Variants in CASKIN1 observed in about 807,000 individuals in gnomAD.
CASKIN1 encodes the protein CASK interacting protein 1.
In CASKIN1, 42 loss-of-function variants were observed where a neutral mutation model predicts 117.5. That is an observed-to-expected ratio of 0.36 (90% CI 0.28 to 0.46). The LOEUF (loss-of-function observed/expected upper bound fraction) is 0.46. Ranked by LOEUF, CASKIN1 falls within the 20% of genes least tolerant of loss-of-function variation. The probability of loss-of-function intolerance (pLI) is 1.00; values close to 1 mark genes in which losing one functional copy is unlikely to be tolerated. For synonymous variants in CASKIN1, 1,148 were observed against 961.7 expected (o/e 1.19, Z -3.59); for missense variants, 2,083 against 2,077.3 (o/e 1.00, Z -0.05).
chr16:2,188,360 T>A lies in CASKIN1; in HGVS notation c.617+667A>T, dbSNP rs191867891. Reference sequence around the variant, plus strand: ...CATCACCACAACCAGCCGATTTTTTTTTTTTTTTGAGACAGGGTCTTGCTG... The same window carrying A: ...CATCACCACAACCAGCCGATTTTTTATTTTTTTTGAGACAGGGTCTTGCTG... On this transcript the variant is annotated intron_variant, in intron 6 of 19. Transcript: ENST00000343516. Among the ~76,000 whole-genome samples, 182 of 150,848 alleles carry A rather than the reference T, an allele frequency of 1.2e-3. 1 individual carries two copies. The highest frequency in any genetic ancestry group is 4.3e-3 in the African/African-American group (178 of 41,074).
Position 2,186,700 on chromosome 16 carries a change from A to G in CASKIN1, c.1048+7T>C. 1 of 1,611,148 alleles carries G rather than the reference A, an allele frequency of 6.2e-7. No homozygotes were observed. The highest frequency in any genetic ancestry group is 8.5e-7 in the Non-Finnish European group (1 of 1,178,696). On this transcript the variant is annotated splice_region_variant and intron_variant, in intron 10 of 19. Coordinates refer to ENST00000343516, the MANE Select transcript of CASKIN1 (RefSeq NM_020764.4). ...CTGCCTGCCCCCCAGGGTGGGGTGG[A>G]ACTTGCCTGCTCGCTTGACAATGGC... is the stretch of plus-strand genomic sequence containing the variant.
At position 2,185,413 on chromosome 16, in the gene CASKIN1, G is replaced by A. The variant is rs768861773; in HGVS notation, c.1049-5C>T. The A allele has an allele frequency of 1.3e-5, 21 of 1,596,202 alleles. No homozygotes were observed. The South Asian group carries it at 2.3e-4, about 17-fold the overall frequency. On this transcript the variant is annotated splice_polypyrimidine_tract_variant and splice_region_variant and intron_variant, in intron 10 of 19. Coordinates refer to ENST00000343516, the MANE Select transcript of CASKIN1 (RefSeq NM_020764.4). ...GTTCAGTGCCTGCTCGGGAACCTGT[G>A]GGTCAAGCAAAGCCTCCTAAGTCCT...
At chr16:2,188,021 T>A (rs1249395744) in intron 6 of CASKIN1, among the ~76,000 whole-genome samples, 1 of 150,442 alleles carries the variant, frequency 6.6e-6, no homozygotes, top group Non-Finnish European at 1.5e-5. Context: ...GTAGCTGGGA[T>A]TACAGACATG....
intron 6 of CASKIN1, 43 bp downstream of exon 6, chr16:2,188,984 C>T: frequency 6.3e-7 from 1 of 1,581,114 alleles, no homozygotes; most frequent in Non-Finnish European, 8.6e-7. Context: ...CTGCTGAACC[C>T]TGGGGACCCT....
rs954622955 is a variant in CASKIN1 at position 2,177,576 on chromosome 16, G to A, written c.*974C>T. 3.0e-5 allele frequency: 7 copies of A among 236,170 alleles called. No individual in the cohort carries two copies. The highest frequency in any genetic ancestry group is 4.4e-5 in the African/African-American group (2 of 45,278). The allele number at this position is 236,170 out of a possible 1,614,324, so 14.6% of individuals were successfully genotyped here. A position where few individuals can be genotyped will look rare whatever the true frequency, so the allele number is the denominator to read the frequency against. On this transcript the variant is annotated 3_prime_UTR_variant, in exon 20 of 20. Coordinates refer to ENST00000343516, the MANE Select transcript of CASKIN1 (RefSeq NM_020764.4). Reference sequence around the variant, plus strand: ...ACAACACAGCCTTGGACCATGAGCAGAAGCGTCCGTGGGAACTCCACTGGG... The same window carrying A: ...ACAACACAGCCTTGGACCATGAGCAAAAGCGTCCGTGGGAACTCCACTGGG...
rs1197241425 is a variant in CASKIN1 at position 2,181,308 on chromosome 16, C to T, written c.2060G>A (p.Arg687Lys). The change falls in exon 18 of 20, where the codon AGG (arginine) becomes AAG (lysine). Residue 687 changes from arginine (R) to lysine (K), a missense_variant. Around this residue, in one of 3 missense-constraint regions of CASKIN1, gnomAD observed 1,818 missense variants for 1,688.9 expected, o/e 1.08. Coordinates refer to ENST00000343516, the MANE Select transcript of CASKIN1 (RefSeq NM_020764.4). ...GCTGGAGTCCTGCCGCGTGGTGGCC[C>T]TCGGGGTGGGTGGCAGGTGGCTGGA... ...KPSSHLPPTP[R>K]ATTRQDSSLG... The T allele has an allele frequency of 6.2e-7, 1 of 1,604,088 alleles. No individual in the cohort carries two copies. Among genetic ancestry groups the T allele is most frequent in the South Asian group, 1.1e-5 (1 of 90,674 alleles).
In CASKIN1 at chr16:2,180,708, G is replaced by A. The variant is rs752680332; in HGVS notation, c.2660C>T (p.Ala887Val). Residue 887 changes from alanine to valine, a missense_variant, in exon 18 of 20, where the codon GCG becomes GTG. Coordinates refer to ENST00000343516, the MANE Select transcript of CASKIN1 (RefSeq NM_020764.4). The part of the protein sequence containing the change: ...KKRAHSLNRY[A>V]ASDSEPERDE... ...CCGCTCCGGCTCGCTGTCGGACGCCGCATAGCGATTCAGGCTGTGGGCCCG... is the reference window on the plus strand; with the variant it reads ...CCGCTCCGGCTCGCTGTCGGACGCCACATAGCGATTCAGGCTGTGGGCCCG... 17 of 1,480,000 alleles carry A rather than the reference G, an allele frequency of 1.1e-5. No homozygotes were observed. The highest frequency in any genetic ancestry group is 2.7e-5 in the South Asian group (2 of 75,334). The allele number at this position is 1,480,000 out of a possible 1,614,324, so 91.7% of individuals were successfully genotyped here.
intron 1 of CASKIN1, among the ~76,000 whole-genome samples, chr16:2,192,328 T>C (rs2093203599): frequency 6.7e-6 from 1 of 148,420 alleles, no homozygotes. Context: ...AGAGAGAACA[T>C]GAATCAGATC....
chr16:2,180,888 G>C lies in CASKIN1; in HGVS notation c.2480C>G (p.Pro827Arg). 9 of 1,439,344 alleles carry C rather than the reference G, an allele frequency of 6.3e-6. No homozygotes were observed. The highest frequency in any genetic ancestry group is 7.3e-6 in the Non-Finnish European group (8 of 1,103,380). 89.2% of individuals were successfully genotyped at this position (1,439,344 alleles called of 1,614,324 possible). Reference protein sequence around the residue: ...PMSPRSLPQSPTHRGFAYVLP... With the variant: ...PMSPRSLPQSRTHRGFAYVLP... ...CACGTAGGCAAAGCCGCGGTGCGTCGGTGACTGAGGCAGGGAGCGGGGTGA... is the reference window on the plus strand; with the variant it reads ...CACGTAGGCAAAGCCGCGGTGCGTCCGTGACTGAGGCAGGGAGCGGGGTGA... Residue 827 changes from proline (P) to arginine (R), a missense_variant, in exon 18 of 20, where the codon CCG becomes CGG. Physicochemically the swap from Pro to Arg is moderately radical, Grantham distance 103 (BLOSUM62 -2). Around this residue, in one of 3 missense-constraint regions of CASKIN1, gnomAD observed 1,818 missense variants for 1,688.9 expected, o/e 1.08. Transcript: ENST00000343516.
At chr16:2,190,281 C>G (rs2093197845) in intron 2 of CASKIN1, 26 bp downstream of exon 2, 2 of 1,578,186 alleles carry the variant, frequency 1.3e-6, no homozygotes, top group Non-Finnish European at 1.7e-6. Flanking sequence ...CCCTTCCAGG[C>G]AGGCACCACC....
In CASKIN1 at chr16:2,181,201, G is replaced by C; in HGVS notation, c.2167C>G (p.Arg723Gly). Reference sequence around the variant, plus strand: ...TCATCCAGGAGGTACTCCTGGCTTCGAGACATGGGGCTGCTGGGCCCAGGG... The same window carrying C: ...TCATCCAGGAGGTACTCCTGGCTTCCAGACATGGGGCTGCTGGGCCCAGGG... ...GPPGPSSPMS[R>G]SQEYLLDEGP... is the part of the protein sequence containing the mutation. Residue 723 changes from arginine to glycine, a missense_variant, in exon 18 of 20, where the codon CGA becomes GGA. This residue lies in a region of CASKIN1 where 1,818 missense variants were observed against 1,688.9 expected (regional missense o/e 1.08). Transcript: ENST00000343516. 2 of 1,571,282 alleles carry C rather than the reference G, an allele frequency of 1.3e-6. No individual in the cohort carries two copies. The highest frequency in any genetic ancestry group is 1.4e-5 in the African/African-American group (1 of 73,058).
intron 1 of CASKIN1, among the ~76,000 whole-genome samples, chr16:2,195,885 C>T (rs1311231892): frequency 2.0e-5 from 3 of 146,698 alleles, no homozygotes; most frequent in African/African-American, 4.9e-5. Flanking sequence ...AAACGTGGGG[C>T]GGGAGGGGGT....
Position 2,185,150 on chromosome 16 carries a change from G to T in CASKIN1, c.1200C>A (p.Ser400Arg). ...SISGMAGGRG[S>R]GGHALHAGSE... The stretch of plus-strand genomic sequence containing the variant: ...AGCCCGCGTGTAGGGCGTGACCCCC[G>T]CTGCCCCGGCCGCCAGCCATGCCGC... Residue 400 changes from serine to arginine, a missense_variant, in exon 12 of 20, where the codon AGC becomes AGA. Physicochemically the swap from Ser to Arg is moderately radical, Grantham distance 110 (BLOSUM62 -1). Around this residue, in one of 3 missense-constraint regions of CASKIN1, gnomAD observed 1,818 missense variants for 1,688.9 expected, o/e 1.08. Coordinates refer to ENST00000343516, the MANE Select transcript of CASKIN1 (RefSeq NM_020764.4). 6.2e-7 allele frequency: 1 copy of T among 1,608,672 alleles called. No homozygotes were observed.
rs1596685025 is a variant in CASKIN1, at chr16:2,179,741, G to C, written c.3627C>G (p.Pro1209=). 1.2e-5 allele frequency: 18 copies of C among 1,558,370 alleles called. No individual in the cohort carries two copies. In the East Asian group the frequency reaches 3.5e-4, roughly 31 times the overall value. The change falls in exon 18 of 20, where the codon CCC becomes CCG. Residue 1209 remains proline, a synonymous_variant. Transcript: ENST00000343516. The surrounding 1 kb of genome is among the most constrained non-coding windows in gnomAD (Gnocchi z 5.8). ...EPPPTDLAHL[P]PLPPPEGEAR... ...CTTCGCCCTCGGGCGGGGGCAATGG[G>C]GGTAGGTGCGCCAGGTCGGTGGGCG...
chr16:2,177,933 C>CGCAG lies in CASKIN1; in HGVS notation c.*613_*616dup, dbSNP rs2093147565. On this transcript the variant is annotated 3_prime_UTR_variant, in exon 20 of 20. Coordinates refer to ENST00000343516, the MANE Select transcript of CASKIN1 (RefSeq NM_020764.4). ...CCTCCACTCTGGCCGGAGGAAGGACCGCAGGCAGACAGCCTGGGCCTCTAA... is the reference window on the plus strand; with the variant it reads ...CCTCCACTCTGGCCGGAGGAAGGACCGCAGGCAGGCAGACAGCCTGGGCCTCTAA... 2.9e-6 allele frequency: 1 copy of CGCAG among 348,108 alleles called. No homozygotes were observed. The highest frequency in any genetic ancestry group is 5.4e-6 in the Non-Finnish European group (1 of 185,236). 21.6% of individuals were successfully genotyped at this position (348,108 alleles called of 1,614,324 possible).
At chr16:2,193,203 G>A (rs1448571767) in intron 1 of CASKIN1, among the ~76,000 whole-genome samples, 1 of 152,118 alleles carries the variant, frequency 6.6e-6, no homozygotes, top group South Asian at 2.1e-4. Flanking sequence ...TTTTAGTAGA[G>A]ACGGGGTTTC....
chr16:2,193,713 C>T (rs957837865), intron 1 of CASKIN1, among the ~76,000 whole-genome samples: 1 of 152,234 alleles, frequency 6.6e-6, no homozygotes, highest in Non-Finnish European at 1.5e-5. Context: ...GGAAGGGGAC[C>T]ACCCCCATGT....
Position 2,178,350 on chromosome 16 carries a change from G to T in CASKIN1, c.*200C>A, listed in dbSNP as rs2093150654. On this transcript the variant is annotated 3_prime_UTR_variant, in exon 20 of 20. Transcript: ENST00000343516. ...CAGCAGGTGGGGAGGACCCGCGGGC[G>T]CAGGGTCTGCCTAGAGCCCTTGGAG... The T allele has an allele frequency of 2.0e-5, 9 of 459,040 alleles. No individual in the cohort carries two copies. In the South Asian group the frequency reaches 2.7e-4, roughly 14 times the overall value. 28.4% of individuals were successfully genotyped at this position (459,040 alleles called of 1,614,324 possible). A position where few individuals can be genotyped will look rare whatever the true frequency, so the allele number is the denominator to read the frequency against.
Position 2,180,979 on chromosome 16 carries a change from G to A in CASKIN1, c.2389C>T (p.Pro797Ser). ...SPQALGGPHG[P>S]APATAKVKPT... The stretch of plus-strand genomic sequence containing the variant: ...TTCACCTTGGCCGTAGCTGGGGCTG[G>A]ACCATGAGGTCCCCCAAGGGCCTGG... The change falls in exon 18 of 20, where the codon CCA (proline) becomes TCA (serine). Residue 797 changes from proline to serine, a missense_variant. Pro to Ser is a moderately conservative substitution (Grantham distance 74). Coordinates refer to ENST00000343516, the MANE Select transcript of CASKIN1 (RefSeq NM_020764.4). 1 of 1,474,838 alleles carries A rather than the reference G, an allele frequency of 6.8e-7. No homozygotes were observed. Among genetic ancestry groups the A allele is most frequent in the Non-Finnish European group, 8.9e-7 (1 of 1,118,176 alleles). The allele number at this position is 1,474,838 out of a possible 1,614,324, so 91.4% of individuals were successfully genotyped here. A position where few individuals can be genotyped will look rare whatever the true frequency, so the allele number is the denominator to read the frequency against.
Sources: gnomAD v4.1 joint callset for allele counts (sites outside exome capture counted in the v4.1 genomes callset) on GRCh38, gnomAD v4.1.1 for gene constraint, gnomAD v4.1.1 regional missense constraint, Gnocchi (gnomAD v3.1) non-coding constraint, MANE v1.5 for transcripts, NCBI Gene and HGNC (gene_info 2026-07-23, HGNC 2026-07-21) for gene names.